Variants in EML5 observed in about 807,000 individuals in gnomAD.
EML5 encodes the protein EMAP like 5.
Under a neutral mutation model 250.0 loss-of-function variants are expected in EML5, and 120 were observed. The ratio of observed to expected loss-of-function variants is 0.48; its 90% CI spans 0.41 to 0.56. The LOEUF is 0.56. Ranked by LOEUF, EML5 falls within the 20% of genes least tolerant of loss-of-function variation. The pLI is 0.00. For missense variants in EML5, 2,006 were observed against 2,437.6 expected, an observed-to-expected ratio of 0.82 and a Z score of 3.73; for synonymous variants, 771 against 806.5, an observed-to-expected ratio of 0.96 and a Z score of 0.75.
At chr14:88,734,599 C>T (rs2093811323) in intron 7 of EML5, among the ~76,000 whole-genome samples, 1 of 152,000 alleles carries the variant, frequency 6.6e-6, no homozygotes, top group African/African-American at 2.4e-5. Context: ...TTGGGAAATA[C>T]TAATCTAGAC....
At chr14:88,724,443 G>T (rs1343980987) in intron 8 of EML5, among the ~76,000 whole-genome samples, 1 of 152,108 alleles carries the variant, frequency 6.6e-6, no homozygotes, top group East Asian at 1.9e-4. Context: ...TTAATAATCA[G>T]AATAACCCTT....
At chr14:88,714,910 C>G (rs768613912) in intron 9 of EML5, 29 bp downstream of exon 9, 1 of 1,601,480 alleles carries the variant, frequency 6.2e-7, no homozygotes, top group Non-Finnish European at 8.5e-7. Flanking sequence ...ATAGGTACTA[C>G]AAATCTATAA....
chr14:88,784,896 G>T (rs1468211549), intron 1 of EML5, among the ~76,000 whole-genome samples: 1 of 152,176 alleles, frequency 6.6e-6, no homozygotes, highest in African/African-American at 2.4e-5. Context: ...ACACTCCAAT[G>T]TTTGTTGCAG....
At position 88,792,537 on chromosome 14, in the gene EML5, C is replaced by G. The variant is rs1400823283; in HGVS notation, c.-34G>C. On this transcript the variant is annotated 5_prime_UTR_variant, in exon 1 of 44. Coordinates refer to ENST00000554922, the MANE Select transcript of EML5 (RefSeq NM_183387.3). The surrounding 1 kb of genome is among the most constrained non-coding windows in gnomAD (Gnocchi z 6.9). The stretch of plus-strand genomic sequence containing the variant: ...GCCCACCCGCCGCTCCCGCTCGGGC[C>G]CGCGGCGGCGACGGGAGGCGGCGGC... The G allele has an allele frequency of 5.6e-6, 7 of 1,245,336 alleles. No homozygotes were observed. The highest frequency in any genetic ancestry group is 7.1e-6 in the Non-Finnish European group (7 of 989,916). 77.1% of individuals were successfully genotyped at this position (1,245,336 alleles called of 1,614,324 possible).
At chr14:88,641,358 A>C (rs1375060645) in intron 31 of EML5, among the ~76,000 whole-genome samples, 1 of 152,084 alleles carries the variant, frequency 6.6e-6, no homozygotes, top group East Asian at 1.9e-4. Context: ...AACATCCCAC[A>C]CAAAACATCA....
chr14:88,660,670 G>A (rs1268376888), intron 25 of EML5, among the ~76,000 whole-genome samples: 1 of 151,710 alleles, frequency 6.6e-6, no homozygotes, highest in East Asian at 1.9e-4. Context: ...TTGAACCCGG[G>A]AGGTGGAGGT....
At chr14:88,687,537 T>C (rs1175321719) in intron 18 of EML5, among the ~76,000 whole-genome samples, 1 of 152,188 alleles carries the variant, frequency 6.6e-6, no homozygotes, top group Admixed American at 6.5e-5. Context: ...AACATTTTAC[T>C]TTTAGATAGG....
chr14:88,687,439 G>T, intron 18 of EML5, 112 bp from the exon 19 acceptor site: 1 of 716,790 alleles, frequency 1.4e-6, no homozygotes, highest in Non-Finnish European at 2.2e-6. Context: ...AAAAGTTACA[G>T]CTTGTAAAGA....
intron 1 of EML5, among the ~76,000 whole-genome samples, chr14:88,762,129 G>C (rs991259942): frequency 2.6e-5 from 4 of 152,114 alleles, no homozygotes; most frequent in African/African-American, 9.7e-5. Flanking sequence ...CATTCTGTAG[G>C]TTGCCTGTTC....
intron 32 of EML5, among the ~76,000 whole-genome samples, chr14:88,634,730 A>C (rs559233408): frequency 6.6e-6 from 1 of 152,280 alleles, no homozygotes; most frequent in East Asian, 1.9e-4. Flanking sequence ...TGAGTTACAT[A>C]AACTTTTAAT....
chr14:88,765,117 G>A (rs1372545629), intron 1 of EML5, among the ~76,000 whole-genome samples: 1 of 141,604 alleles, frequency 7.1e-6, no homozygotes, highest in South Asian at 2.3e-4. Context: ...TTTCTATGCT[G>A]ATGTCACAAA....
chr14:88,767,895 T>A (rs916443319), intron 1 of EML5, among the ~76,000 whole-genome samples: 1 of 152,154 alleles, frequency 6.6e-6, no homozygotes, highest in African/African-American at 2.4e-5. Context: ...AAATTCACCA[T>A]TTTTTCCACT....
At chr14:88,631,486 T>C (rs1390652671) in intron 33 of EML5, among the ~76,000 whole-genome samples, 1 of 152,154 alleles carries the variant, frequency 6.6e-6, no homozygotes, top group African/African-American at 2.4e-5. Flanking sequence ...AGTGCTAAGA[T>C]TGCCGGGCAC....
chr14:88,761,195 G>A (rs933461769), intron 1 of EML5, among the ~76,000 whole-genome samples: 1 of 151,940 alleles, frequency 6.6e-6, no homozygotes, highest in Non-Finnish European at 1.5e-5. Flanking sequence ...CTAGCAGGAT[G>A]TTGTTTTTTT....
chr14:88,788,069 G>A (rs1033122827), intron 1 of EML5, among the ~76,000 whole-genome samples: 2 of 152,160 alleles, frequency 1.3e-5, no homozygotes, highest in Non-Finnish European at 2.9e-5. Flanking sequence ...TTGAAGATAA[G>A]CCAGGTTTGG....
chr14:88,696,877 G>A lies in EML5; in HGVS notation c.2314C>T (p.Gln772Ter). The A allele has an allele frequency of 6.2e-7, 1 of 1,609,560 alleles. No individual in the cohort carries two copies. The highest frequency in any genetic ancestry group is 8.5e-7 in the Non-Finnish European group (1 of 1,177,796). Residue 772 changes from glutamine to a stop codon, truncating the protein, a stop_gained, in exon 15 of 44, where the codon CAG becomes TAG. Transcript: ENST00000554922. LOFTEE classifies it high-confidence loss of function. ...AAATCAACGGCACTAACACCATACT[G>A]GTGGTGGCCCTTTAATATGGACAAT... ...KPLSILKGHH[Q>*]YGVSAVDFSA...
Position 88,792,586 on chromosome 14 carries a change from G to A in EML5, c.-83C>T, listed in dbSNP as rs1392618586. On this transcript the variant is annotated 5_prime_UTR_variant, in exon 1 of 44. Transcript: ENST00000554922. This position sits in a 1 kb window ranked among gnomAD's most constrained non-coding sequence, Gnocchi z 6.9. ...GCGGCCCGGCAACGAAAGCCCTCCC[G>A]CTGGCTGCCGGGACTTCCCGCCAGC... is the stretch of plus-strand genomic sequence containing the variant. 4 of 1,194,056 alleles carry A rather than the reference G, an allele frequency of 3.3e-6. No homozygotes were observed. The highest frequency in any genetic ancestry group is 7.4e-5 in the East Asian group (2 of 26,874). The allele number at this position is 1,194,056 out of a possible 1,614,324, so 74.0% of individuals were successfully genotyped here.
intron 28 of EML5, among the ~76,000 whole-genome samples, chr14:88,647,687 C>CA (rs34191990): frequency 0.3 from 14,357 of 47,872 alleles, 2,885 homozygotes; most frequent in Non-Finnish European, 0.37. Flanking sequence ...GAGACCGTCT[C>CA]AAAAAAAAAA....
rs370483453 is a variant in EML5, at chr14:88,630,629, C to G, written c.4358-2810G>C. 1.4e-4 allele frequency among the ~76,000 whole-genome samples: 22 copies of G among 152,308 alleles called. No individual in the cohort carries two copies. The East Asian group carries it at 4.1e-3, about 28-fold the overall frequency. On this transcript the variant is annotated intron_variant, in intron 33 of 43. Coordinates refer to ENST00000554922, the MANE Select transcript of EML5 (RefSeq NM_183387.3). ...TTTAATAACCCAGACTTAAACCAATCAGCACATGGTATTCCCCTAGTATCT... is the reference window on the plus strand; with the variant it reads ...TTTAATAACCCAGACTTAAACCAATGAGCACATGGTATTCCCCTAGTATCT...
Sources: gnomAD v4.1 joint callset for allele counts (sites outside exome capture counted in the v4.1 genomes callset) on GRCh38, gnomAD v4.1.1 for gene constraint, Gnocchi (gnomAD v3.1) non-coding constraint, MANE v1.5 for transcripts, NCBI Gene and HGNC (gene_info 2026-07-23, HGNC 2026-07-21) for gene names.